Variants in PRKG1 observed in about 807,000 individuals in gnomAD.
PRKG1 encodes protein kinase cGMP-dependent 1, also known as cGMP-dependent protein kinase 1.
PRKG1 carries 35 observed loss-of-function variants against 88.1 expected under a neutral mutation model. The ratio of observed to expected loss-of-function variants is 0.40; its 90% CI spans 0.30 to 0.53. The LOEUF is 0.53. PRKG1 is among the 20% of genes least tolerant of loss of function. PRKG1 has a pLI of 0.59. For missense variants in PRKG1, 540 were observed against 839.8 expected, an observed-to-expected ratio of 0.64 and a Z score of 4.41; for synonymous variants, 303 against 292.5, an observed-to-expected ratio of 1.04 and a Z score of -0.37.
chr10:51,922,198 A>AT (rs555360330), intron 5 of PRKG1, among the ~76,000 whole-genome samples: 2,069 of 151,060 alleles, frequency 0.014, 83 homozygotes, highest in Admixed American at 0.088. Flanking sequence ...GTTGTTTATA[A>AT]TTTTTTTTTA....
intron 2 of PRKG1, among the ~76,000 whole-genome samples, chr10:51,167,094 G>T (rs1412248326): frequency 6.6e-6 from 1 of 152,138 alleles, no homozygotes; most frequent in Non-Finnish European, 1.5e-5. Context: ...TCTGGTGATG[G>T]TGGCAGGGGA....
chr10:51,247,156 G>A (rs1839313287), intron 2 of PRKG1, among the ~76,000 whole-genome samples: 1 of 151,978 alleles, frequency 6.6e-6, no homozygotes, highest in African/African-American at 2.4e-5. Flanking sequence ...TAGTAGTCAA[G>A]AAGATGAAAA....
At chr10:51,668,920 T>C (rs935874076) in intron 3 of PRKG1, among the ~76,000 whole-genome samples, 2 of 152,180 alleles carry the variant, frequency 1.3e-5, no homozygotes, top group African/African-American at 4.8e-5. Context: ...ACGGAAGTGC[T>C]TACATGTACA....
chr10:51,751,351 C>G (rs1011527225), intron 3 of PRKG1, among the ~76,000 whole-genome samples: 11 of 152,176 alleles, frequency 7.2e-5, no homozygotes, highest in African/African-American at 2.7e-4. Flanking sequence ...GATTATCATG[C>G]CTCAGCCTCT....
At chr10:51,133,153 C>T (rs1845612053) in intron 1 of PRKG1, among the ~76,000 whole-genome samples, 1 of 152,082 alleles carries the variant, frequency 6.6e-6, no homozygotes, top group Admixed American at 6.6e-5. Context: ...GGCCAAAGTG[C>T]AAATGTCTTC....
Position 51,837,814 on chromosome 10 carries a change from C to T in PRKG1, c.698+33124C>T, listed in dbSNP as rs112040028. 7.5e-3 allele frequency among the ~76,000 whole-genome samples: 1,145 copies of T among 152,288 alleles called. 16 individuals are homozygous for T. Among genetic ancestry groups the T allele is most frequent in the African/African-American group, 0.026 (1,083 of 41,590 alleles). On this transcript the variant is annotated intron_variant, in intron 4 of 17. Transcript: ENST00000373980. ...GGCCCTAGTATACTCAGAGCAAATA[C>T]TGATTAGATGGTTTAGGATACTAAG...
At chr10:51,702,252 T>C (rs527389473) in intron 3 of PRKG1, among the ~76,000 whole-genome samples, 20 of 152,256 alleles carry the variant, frequency 1.3e-4, no homozygotes, top group South Asian at 2.1e-4. Flanking sequence ...CATGTTCTCT[T>C]TAGTCCCACT....
intron 4 of PRKG1, among the ~76,000 whole-genome samples, chr10:51,871,204 C>T (rs1415898814): frequency 6.6e-6 from 1 of 152,154 alleles, no homozygotes; most frequent in African/African-American, 2.4e-5. Context: ...ATGTAAATAT[C>T]CATTGTCTCC....
chr10:51,836,572 T>C (rs2132765328), intron 4 of PRKG1, among the ~76,000 whole-genome samples: 1 of 152,316 alleles, frequency 6.6e-6, no homozygotes, highest in South Asian at 2.1e-4. Context: ...CTATTGTTTA[T>C]ATTGAGTGTA....
chr10:51,321,563 A>T (rs866936627), intron 2 of PRKG1, among the ~76,000 whole-genome samples: 1 of 152,150 alleles, frequency 6.6e-6, no homozygotes, highest in Non-Finnish European at 1.5e-5. Flanking sequence ...ACTAAAAATT[A>T]AAAGCAGTTG....
chr10:51,425,836 C>T (rs1026673751), intron 2 of PRKG1, among the ~76,000 whole-genome samples: 8 of 152,314 alleles, frequency 5.3e-5, no homozygotes, highest in African/African-American at 1.9e-4. Context: ...GTCTTCCAGC[C>T]ATACATATGT....
At chr10:51,254,508 AG>A (rs1461170379) in intron 2 of PRKG1, among the ~76,000 whole-genome samples, 1 of 152,002 alleles carries the variant, frequency 6.6e-6, no homozygotes, top group Non-Finnish European at 1.5e-5. Context: ...AGTCAATCTA[AG>A]GGGTGAATTT....
At position 51,101,096 on chromosome 10, in the gene PRKG1, C is replaced by T. The variant is rs552188203; in HGVS notation, c.311+26195C>T. Among the ~76,000 whole-genome samples the T allele has an allele frequency of 2.0e-5, 3 of 152,050 alleles. No homozygotes were observed. In the South Asian group the frequency reaches 6.2e-4, roughly 32 times the overall value. On this transcript the variant is annotated intron_variant, in intron 1 of 17. Transcript: ENST00000373980. ...TGTTACTGAATATTTGTGTTTCTACCCCACACGAGAATTCATAGGTTGTAG... is the reference window on the plus strand; with the variant it reads ...TGTTACTGAATATTTGTGTTTCTACTCCACACGAGAATTCATAGGTTGTAG...
chr10:51,567,597 G>GC (rs1467645080), intron 3 of PRKG1, among the ~76,000 whole-genome samples: 1 of 151,884 alleles, frequency 6.6e-6, no homozygotes, highest in East Asian at 1.9e-4. Context: ...AAACCATACT[G>GC]TTTTTTTGAG....
chr10:51,286,531 T>C (rs1300240826), intron 2 of PRKG1, among the ~76,000 whole-genome samples: 2 of 152,252 alleles, frequency 1.3e-5, no homozygotes, highest in Admixed American at 1.3e-4. Flanking sequence ...TTTTCCTCTC[T>C]TAGCTGTATG....
chr10:51,483,025 T>C (rs74676691), intron 3 of PRKG1, among the ~76,000 whole-genome samples: 1 of 148,828 alleles, frequency 6.7e-6, no homozygotes, highest in African/African-American at 2.5e-5. Flanking sequence ...TTTTTTTTTT[T>C]TTTTGAGATG....
intron 2 of PRKG1, among the ~76,000 whole-genome samples, chr10:51,311,645 A>T (rs1485480093): frequency 6.6e-6 from 1 of 152,232 alleles, no homozygotes; most frequent in East Asian, 1.9e-4. Context: ...AAGTGTTCAT[A>T]AATCTGTAGC....
At chr10:51,083,226 G>A (rs763278378) in intron 1 of PRKG1, among the ~76,000 whole-genome samples, 19 of 152,190 alleles carry the variant, frequency 1.2e-4, no homozygotes, top group Non-Finnish European at 2.8e-4. Flanking sequence ...CAGCAGCTCT[G>A]TTCAGTGGGT....
At chr10:52,032,899 C>A (rs1845506170) in intron 5 of PRKG1, among the ~76,000 whole-genome samples, 1 of 152,098 alleles carries the variant, frequency 6.6e-6, no homozygotes, top group South Asian at 2.1e-4. Context: ...TGTGTGTCTG[C>A]AGAGACATCC....
Sources: gnomAD v4.1 joint callset for allele counts (sites outside exome capture counted in the v4.1 genomes callset) on GRCh38, gnomAD v4.1.1 for gene constraint, MANE v1.5 for transcripts, NCBI Gene and HGNC (gene_info 2026-07-23, HGNC 2026-07-21) for gene names.